Variants in NUAK2 observed in about 807,000 individuals in gnomAD.
The protein encoded by NUAK2 is NUAK family SNF1-like kinase 2.
NUAK2 carries 20 observed loss-of-function variants against 29.8 expected under a neutral mutation model. That is an observed-to-expected ratio of 0.67 (90% CI 0.47 to 0.98). The LOEUF is 0.98. Ranked by LOEUF, NUAK2 falls within the 50% of genes least tolerant of loss-of-function variation. The pLI is 0.00. For missense variants in NUAK2, 719 were observed against 834.5 expected, an observed-to-expected ratio of 0.86 and a Z score of 1.71; for synonymous variants, 331 against 342.6, an observed-to-expected ratio of 0.97 and a Z score of 0.37.
intron 2 of NUAK2, 106 bp downstream of exon 2, chr1:205,311,599 T>G: frequency 6.9e-7 from 1 of 1,449,856 alleles, no homozygotes; most frequent in Non-Finnish European, 9.5e-7. Context: ...GCCTATATTT[T>G]TTTTACTTCT....
Position 205,321,257 on chromosome 1 carries a change from G to A in NUAK2, c.231+141C>T, listed in dbSNP as rs971145488. 6.9e-6 allele frequency: 5 copies of A among 727,798 alleles called. No individual in the cohort carries two copies. In the African/African-American group the frequency reaches 7.4e-5, roughly 11 times the overall value. The allele number at this position is 727,798 out of a possible 1,614,324, so 45.1% of individuals were successfully genotyped here. A position where few individuals can be genotyped will look rare whatever the true frequency, so the allele number is the denominator to read the frequency against. On this transcript the variant is annotated intron_variant, in intron 1 of 6. Coordinates refer to ENST00000367157, the MANE Select transcript of NUAK2 (RefSeq NM_030952.3). Reference sequence around the variant, plus strand: ...ACACATCTGCCAGGGACACCCCGCAGTAGCCCCGCAAGCTCAGCGCGGTAA... The same window carrying A: ...ACACATCTGCCAGGGACACCCCGCAATAGCCCCGCAAGCTCAGCGCGGTAA...
In NUAK2 at chr1:205,304,283, T is replaced by A. The variant is rs1277940635; in HGVS notation, c.1054A>T (p.Ser352Cys). ...PLLENGAKVC[S>C]FFKQHAPGGG... ...CCAGGTGCATGCTGCTTGAAGAAGC[T>A]GCACACCTTGGCCCCATTCTCCAGG... The change falls in exon 7 of 7, where the codon AGC (serine) becomes TGC (cysteine). Residue 352 changes from serine to cysteine, a missense_variant. Coordinates refer to ENST00000367157, the MANE Select transcript of NUAK2 (RefSeq NM_030952.3). The surrounding 1 kb of genome is among the most constrained non-coding windows in gnomAD (Gnocchi z 6.5). 3 of 1,613,592 alleles carry A rather than the reference T, an allele frequency of 1.9e-6. No homozygotes were observed. The Admixed American group carries it at 5.0e-5, about 27-fold the overall frequency.
chr1:205,314,124 G>C (rs955317811), intron 1 of NUAK2, among the ~76,000 whole-genome samples: 1 of 152,224 alleles, frequency 6.6e-6, no homozygotes, highest in Non-Finnish European at 1.5e-5. Context: ...CAAGAATGCG[G>C]AACAGCCCTA....
At chr1:205,321,175 G>T (rs942984871) in intron 1 of NUAK2, among the ~76,000 whole-genome samples, 1 of 152,142 alleles carries the variant, frequency 6.6e-6, no homozygotes, top group African/African-American at 2.4e-5. Flanking sequence ...ACAGCAGTAC[G>T]GTGTTGCTGG....
Position 205,305,346 on chromosome 1 carries a change from G to A in NUAK2, c.691-15C>T. 1 of 1,612,002 alleles carries A rather than the reference G, an allele frequency of 6.2e-7. No individual in the cohort carries two copies. Among genetic ancestry groups the A allele is most frequent in the Non-Finnish European group, 8.5e-7 (1 of 1,179,048 alleles). The stretch of plus-strand genomic sequence containing the variant: ...CAGCTGTCCACCTGAGAGAGATGGG[G>A]GAGGTCAGCAGGGATGCCCATACCA... On this transcript the variant is annotated splice_polypyrimidine_tract_variant and intron_variant, in intron 5 of 6. Coordinates refer to ENST00000367157, the MANE Select transcript of NUAK2 (RefSeq NM_030952.3).
chr1:205,305,351 T>A lies in NUAK2; in HGVS notation c.691-20A>T. ...GTCCACCTGAGAGAGATGGGGGAGG[T>A]CAGCAGGGATGCCCATACCAGACAG... On this transcript the variant is annotated intron_variant, in intron 5 of 6. Coordinates refer to ENST00000367157, the MANE Select transcript of NUAK2 (RefSeq NM_030952.3). The A allele has an allele frequency of 6.2e-7, 1 of 1,609,368 alleles. No individual in the cohort carries two copies. Among genetic ancestry groups the A allele is most frequent in the Non-Finnish European group, 8.5e-7 (1 of 1,177,796 alleles).
chr1:205,313,148 A>T (rs908671093), intron 1 of NUAK2, among the ~76,000 whole-genome samples: 1 of 152,126 alleles, frequency 6.6e-6, no homozygotes, highest in Non-Finnish European at 1.5e-5. Flanking sequence ...ATTGGTTTAC[A>T]ACAACGTTAA....
chr1:205,305,344 G>A lies in NUAK2; in HGVS notation c.691-13C>T, dbSNP rs372416953. On this transcript the variant is annotated splice_polypyrimidine_tract_variant and intron_variant, in intron 5 of 6. Coordinates refer to ENST00000367157, the MANE Select transcript of NUAK2 (RefSeq NM_030952.3). The stretch of plus-strand genomic sequence containing the variant: ...ACCAGCTGTCCACCTGAGAGAGATG[G>A]GGGAGGTCAGCAGGGATGCCCATAC... The A allele has an allele frequency of 1.9e-5, 31 of 1,611,944 alleles. No individual in the cohort carries two copies. The highest frequency in any genetic ancestry group is 2.5e-5 in the Non-Finnish European group (30 of 1,179,092).
chr1:205,315,251 C>T (rs1307606670), intron 1 of NUAK2, among the ~76,000 whole-genome samples: 1 of 152,188 alleles, frequency 6.6e-6, no homozygotes, highest in East Asian at 1.9e-4. Context: ...ACCACTGCTC[C>T]CCAGCCTATC....
Position 205,303,789 on chromosome 1 carries a change from C to A in NUAK2, c.1548G>T (p.Ala516=), listed in dbSNP as rs116260860. 1 of 1,563,684 alleles carries A rather than the reference C, an allele frequency of 6.4e-7. No homozygotes were observed. ...GKFSQTALEL[A]APTTFGSLDE... is the part of the protein sequence containing the mutation. ...CCAGGGAGCCGAAGGTGGTGGGGGC[C>A]GCGAGCTCCAAGGCTGTCTGGGAGA... is the stretch of plus-strand genomic sequence containing the variant. Residue 516 remains alanine (A), a synonymous_variant, in exon 7 of 7, where the codon GCG becomes GCT. Coordinates refer to ENST00000367157, the MANE Select transcript of NUAK2 (RefSeq NM_030952.3).
intron 5 of NUAK2, 97 bp from the exon 6 acceptor site, chr1:205,305,428 C>A: frequency 6.7e-7 from 1 of 1,490,812 alleles, no homozygotes; most frequent in Admixed American, 2.2e-5. Flanking sequence ...GAGGACGACC[C>A]ACCTCTCCTA....
chr1:205,306,328 C>T (rs535556386), intron 4 of NUAK2, 21 bp from the exon 5 acceptor site: 105 of 1,603,500 alleles, frequency 6.5e-5, no homozygotes, highest in South Asian at 3.9e-4. Flanking sequence ...GAGTCAAACA[C>T]GGGCACAGGT....
intron 1 of NUAK2, among the ~76,000 whole-genome samples, chr1:205,313,590 A>G (rs1454615980): frequency 6.6e-6 from 1 of 151,912 alleles, no homozygotes; most frequent in East Asian, 1.9e-4. Context: ...TGAGGCGCGG[A>G]GCTGGGGAGA....
At chr1:205,307,520 G>A (rs1222697982) in intron 4 of NUAK2, among the ~76,000 whole-genome samples, 1 of 152,180 alleles carries the variant, frequency 6.6e-6, no homozygotes, top group Non-Finnish European at 1.5e-5. Flanking sequence ...GGAAGATTCT[G>A]AAGAGGGTCA....
chr1:205,320,042 A>G (rs1361222210), intron 1 of NUAK2, among the ~76,000 whole-genome samples: 1 of 152,172 alleles, frequency 6.6e-6, no homozygotes, highest in East Asian at 1.9e-4. Context: ...TATACATTAT[A>G]TGGCCCTATC....
Position 205,303,913 on chromosome 1 carries a change from C to T in NUAK2, c.1424G>A (p.Gly475Asp). The T allele has an allele frequency of 1.2e-6, 2 of 1,614,056 alleles. No homozygotes were observed. Among genetic ancestry groups the T allele is most frequent in the Non-Finnish European group, 1.7e-6 (2 of 1,180,004 alleles). ...GGGATCCCCACTCACAAACACGTCG[C>T]CTGCGTCCAAGAGCTCCCCAGATTC... is the stretch of plus-strand genomic sequence containing the variant. ...PSESGELLDAGDVFVSGDPKE... is the reference protein window; with the variant it reads ...PSESGELLDADDVFVSGDPKE... The change falls in exon 7 of 7, where the codon GGC (glycine) becomes GAC (aspartate). Residue 475 changes from glycine to aspartate, a missense_variant. Gly to Asp is a moderately conservative substitution (Grantham distance 94). This residue lies in a region of NUAK2 where 430 missense variants were observed against 465.7 expected (regional missense o/e 0.92). Coordinates refer to ENST00000367157, the MANE Select transcript of NUAK2 (RefSeq NM_030952.3).
At position 205,302,230 on chromosome 1, in the gene NUAK2, T is replaced by C. The variant is rs1574887652; in HGVS notation, c.*1220A>G. On this transcript the variant is annotated 3_prime_UTR_variant, in exon 7 of 7. Transcript: ENST00000367157. ...CTCTGTACACAAAACTTAGATGTCA[T>C]AGTGGATTTTCCCAGAACATAGCAT... 6.5e-6 allele frequency: 1 copy of C among 152,720 alleles called. No homozygotes were observed. Among genetic ancestry groups the C allele is most frequent in the South Asian group, 2.1e-4 (1 of 4,828 alleles). The allele number at this position is 152,720 out of a possible 1,614,324, so 9.5% of individuals were successfully genotyped here. A position where few individuals can be genotyped will look rare whatever the true frequency, so the allele number is the denominator to read the frequency against.
rs557655648 is a variant in NUAK2, at chr1:205,312,600, G to A, written c.232-775C>T. 6.6e-5 allele frequency among the ~76,000 whole-genome samples: 10 copies of A among 152,288 alleles called. No individual in the cohort carries two copies. The South Asian group carries it at 1.0e-3, about 16-fold the overall frequency. On this transcript the variant is annotated intron_variant, in intron 1 of 6. Coordinates refer to ENST00000367157, the MANE Select transcript of NUAK2 (RefSeq NM_030952.3). The stretch of plus-strand genomic sequence containing the variant: ...AGGATCACCTTGAGGCCAGGAGTTC[G>A]CAACCAGCCTGAGCAACATGGTGAA...
chr1:205,303,983 G>A lies in NUAK2; in HGVS notation c.1354C>T (p.Pro452Ser). 6.2e-7 allele frequency: 1 copy of A among 1,613,936 alleles called. No homozygotes were observed. The highest frequency in any genetic ancestry group is 8.5e-7 in the Non-Finnish European group (1 of 1,179,946). ...TAGTAGCCAGACTCGCGCTGTCGGGGCTTCTTGAGAATGCCCTTCTTGGGG... is the reference window on the plus strand; with the variant it reads ...TAGTAGCCAGACTCGCGCTGTCGGGACTTCTTGAGAATGCCCTTCTTGGGG... ...LLPKKGILKK[P>S]RQRESGYYSS... Residue 452 changes from proline to serine, a missense_variant, in exon 7 of 7, where the codon CCC becomes TCC. Physicochemically the swap from Pro to Ser is moderately conservative, Grantham distance 74. Transcript: ENST00000367157.
Sources: allele counts gnomAD v4.1 joint callset (sites outside exome capture counted in the v4.1 genomes callset), GRCh38; gene constraint gnomAD v4.1.1; regional missense constraint gnomAD v4.1.1; non-coding constraint Gnocchi (gnomAD v3.1); transcripts MANE v1.5; gene names NCBI Gene and HGNC (gene_info 2026-07-23, HGNC 2026-07-21).